Variants in SPATA17 observed in about 807,000 individuals in gnomAD.
SPATA17 encodes spermatogenesis associated 17.
In SPATA17, 53 loss-of-function variants were observed where a neutral mutation model predicts 62.2. The observed-to-expected ratio is 0.85, with a 90% CI of 0.68 to 1.07. The LOEUF (loss-of-function observed/expected upper bound fraction) is 1.07, where lower values mean the gene tolerates loss of function less well. SPATA17 is among the 50% of genes least tolerant of loss of function. SPATA17 has a pLI of 0.00. For missense variants in SPATA17, 466 were observed against 425.5 expected (o/e 1.10, Z -0.84); for synonymous variants, 146 against 146.8 (o/e 0.99, Z 0.04).
At chr1:217,822,245 T>C (rs1674881598) in intron 9 of SPATA17, among the ~76,000 whole-genome samples, 1 of 150,170 alleles carries the variant, frequency 6.7e-6, no homozygotes. Flanking sequence ...CACTGAATAT[T>C]TTTTATTATC....
At chr1:217,716,935 A>T (rs776772738) in intron 5 of SPATA17, among the ~76,000 whole-genome samples, 1 of 152,246 alleles carries the variant, frequency 6.6e-6, no homozygotes, top group Non-Finnish European at 1.5e-5. Context: ...AGAGATGAAA[A>T]ATAAAATTCA....
chr1:217,680,922 T>TAAAAAAAA (rs71166016), intron 4 of SPATA17, among the ~76,000 whole-genome samples: 2 of 58,152 alleles, frequency 3.4e-5, no homozygotes, highest in Non-Finnish European at 6.2e-5. Flanking sequence ...GAGACTCTGT[T>TAAAAAAAA]AAAAAAAAAA....
chr1:217,703,174 CTT>C (rs1203063860), intron 5 of SPATA17, among the ~76,000 whole-genome samples: 18 of 105,430 alleles, frequency 1.7e-4, no homozygotes, highest in East Asian at 2.7e-4. Flanking sequence ...TGCGCTCGGC[CTT>C]TTTTTTTTTT....
At chr1:217,821,535 A>G (rs762880046) in intron 9 of SPATA17, among the ~76,000 whole-genome samples, 19 of 152,242 alleles carry the variant, frequency 1.2e-4, no homozygotes, top group Admixed American at 4.6e-4. Flanking sequence ...GCAGGAGTTG[A>G]TTCAATGACA....
rs145638619 is a variant in SPATA17, at chr1:217,638,615, A to G, written c.68+7169A>G. On this transcript the variant is annotated intron_variant, in intron 1 of 10. Transcript: ENST00000366933. Reference sequence around the variant, plus strand: ...TCAAACAACTGAATATCTATTAAATAGGCAGATAAACTTCACAAGACATTT... The same window carrying G: ...TCAAACAACTGAATATCTATTAAATGGGCAGATAAACTTCACAAGACATTT... 2.4e-3 allele frequency among the ~76,000 whole-genome samples: 372 copies of G among 152,306 alleles called. 1 individual carries two copies. The highest frequency in any genetic ancestry group is 8.6e-3 in the African/African-American group (358 of 41,578).
chr1:217,702,030 G>GTATATATATA (rs1436496491), intron 5 of SPATA17, among the ~76,000 whole-genome samples: 1 of 109,478 alleles, frequency 9.1e-6, no homozygotes, highest in East Asian at 2.0e-4. Context: ...CTAAAATTTG[G>GTATATATATA]TGTATATATA....
intron 5 of SPATA17, among the ~76,000 whole-genome samples, chr1:217,714,160 A>G (rs61825761): frequency 0.25 from 38,398 of 151,918 alleles, 5,294 homozygotes; most frequent in African/African-American, 0.35. Context: ...GGCTGTGGCA[A>G]GTGAATTACT....
chr1:217,745,174 C>A (rs1040416779), intron 6 of SPATA17, among the ~76,000 whole-genome samples: 4 of 152,166 alleles, frequency 2.6e-5, no homozygotes, highest in Non-Finnish European at 4.4e-5. Flanking sequence ...ATTCTCAAAT[C>A]GCTTCCCTTG....
At chr1:217,751,388 G>C (rs1042188887) in intron 6 of SPATA17, among the ~76,000 whole-genome samples, 4 of 152,044 alleles carry the variant, frequency 2.6e-5, no homozygotes, top group Admixed American at 2.0e-4. Flanking sequence ...TCTGACCCAC[G>C]ATCTTTGGAT....
At chr1:217,651,446 T>A (rs1378857023) in intron 3 of SPATA17, among the ~76,000 whole-genome samples, 12 of 152,224 alleles carry the variant, frequency 7.9e-5, no homozygotes, top group Admixed American at 7.9e-4. Flanking sequence ...TATACTTATT[T>A]ATTGATGGTT....
intron 6 of SPATA17, among the ~76,000 whole-genome samples, chr1:217,765,825 A>T (rs1010083330): frequency 2.6e-5 from 4 of 152,016 alleles, no homozygotes; most frequent in Non-Finnish European, 5.9e-5. Flanking sequence ...TACCTCACAT[A>T]TTTTGATGCT....
chr1:217,823,042 G>C (rs573234200), intron 9 of SPATA17, among the ~76,000 whole-genome samples: 7 of 150,866 alleles, frequency 4.6e-5, no homozygotes, highest in Non-Finnish European at 1.0e-4. Context: ...ATCATTTTTT[G>C]TCTTAAAATG....
intron 3 of SPATA17, among the ~76,000 whole-genome samples, chr1:217,652,794 A>G (rs1571706989): frequency 6.6e-6 from 1 of 152,188 alleles, no homozygotes; most frequent in East Asian, 1.9e-4. Flanking sequence ...TAGAAAGAGG[A>G]CAGGCTTTAG....
In SPATA17 at chr1:217,750,773, G is replaced by C. The variant is rs1672885297; in HGVS notation, c.519+8675G>C. On this transcript the variant is annotated intron_variant, in intron 6 of 10. Coordinates refer to ENST00000366933, the MANE Select transcript of SPATA17 (RefSeq NM_138796.4). Reference sequence around the variant, plus strand: ...ACACTGACAGAGATGCCACTCGTCGGAATGTGCTAGAGCAGCATGGGATCT... The same window carrying C: ...ACACTGACAGAGATGCCACTCGTCGCAATGTGCTAGAGCAGCATGGGATCT... 2.6e-5 allele frequency among the ~76,000 whole-genome samples: 4 copies of C among 152,206 alleles called. No individual in the cohort carries two copies. The South Asian group carries it at 8.3e-4, about 31-fold the overall frequency.
At chr1:217,847,290 T>C (rs1362011473) in intron 9 of SPATA17, among the ~76,000 whole-genome samples, 1 of 152,098 alleles carries the variant, frequency 6.6e-6, no homozygotes, top group Non-Finnish European at 1.5e-5. Context: ...TATGTGTGCT[T>C]TGAATGGTAA....
intron 8 of SPATA17, among the ~76,000 whole-genome samples, chr1:217,799,922 T>C (rs1383902984): frequency 6.6e-6 from 1 of 152,098 alleles, no homozygotes; most frequent in African/African-American, 2.4e-5. Context: ...TTTATTTTGC[T>C]ATTTATAGTT....
Position 217,782,165 on chromosome 1 carries a change from T to A in SPATA17, c.724-9T>A, listed in dbSNP as rs764407821. 3.2e-6 allele frequency: 5 copies of A among 1,577,824 alleles called. No individual in the cohort carries two copies. The highest frequency in any genetic ancestry group is 3.4e-6 in the Non-Finnish European group (4 of 1,165,424). On this transcript the variant is annotated splice_polypyrimidine_tract_variant and intron_variant, in intron 7 of 10. Coordinates refer to ENST00000366933, the MANE Select transcript of SPATA17 (RefSeq NM_138796.4). ...CATATAAAATATGTTCCTCATCCTG[T>A]CTTGTCAGGGGCCCTTCCGAGATAT...
intron 7 of SPATA17, among the ~76,000 whole-genome samples, chr1:217,777,329 A>G (rs982134676): frequency 1.3e-5 from 2 of 152,246 alleles, no homozygotes; most frequent in East Asian, 1.9e-4. Flanking sequence ...TTGAAAATCT[A>G]TAGTCAGTTT....
intron 5 of SPATA17, among the ~76,000 whole-genome samples, chr1:217,715,967 A>T (rs891065181): frequency 6.6e-6 from 1 of 152,160 alleles, no homozygotes; most frequent in Non-Finnish European, 1.5e-5. Flanking sequence ...TTTAAAAGTG[A>T]TGTTTATGAA....
Sources: gnomAD v4.1 joint callset for allele counts (sites outside exome capture counted in the v4.1 genomes callset) on GRCh38, gnomAD v4.1.1 for gene constraint, MANE v1.5 for transcripts, NCBI Gene and HGNC (gene_info 2026-07-23, HGNC 2026-07-21) for gene names.